The following PRIM2 variants were observed in gnomAD, a reference collection of about 807,000 sequenced individuals.
PRIM2 encodes the protein DNA primase subunit 2.
A neutral mutation model predicts 67.3 loss-of-function variants in PRIM2; 39 were observed. That is an observed-to-expected ratio of 0.58 (90% confidence interval 0.45 to 0.76). The LOEUF (loss-of-function observed/expected upper bound fraction) is 0.76, where lower values mean the gene tolerates loss of function less well. Ranked by LOEUF, PRIM2 falls within the 30% of genes least tolerant of loss-of-function variation. PRIM2 has a pLI of 0.00. For synonymous variants in PRIM2, 143 were observed against 198.7 expected (o/e 0.72, Z 2.36); for missense variants, 398 against 598.7 (o/e 0.66, Z 3.50).
At chr6:57,456,614 C>A (rs572319877) in intron 7 of PRIM2, among the ~76,000 whole-genome samples, 3 of 152,124 alleles carry the variant, frequency 2.0e-5, no homozygotes, top group African/African-American at 7.2e-5. Flanking sequence ...ACGTAGTTCT[C>A]GTGCCTTGGT....
chr6:57,451,562 T>A (rs1455118511), intron 7 of PRIM2, among the ~76,000 whole-genome samples: 37 of 152,308 alleles, frequency 2.4e-4, no homozygotes, highest in African/African-American at 8.7e-4. Flanking sequence ...TTGTCCCACT[T>A]TTTTCATTTA....
the PRIM2 span, among the ~76,000 whole-genome samples, chr6:57,232,540 C>A: frequency 6.6e-6 from 1 of 151,934 alleles, no homozygotes; most frequent in Non-Finnish European, 1.5e-5. Flanking sequence ...CAGAGTAAGA[C>A]TCTGTCAAAA....
chr6:57,225,194 T>C, the PRIM2 span, among the ~76,000 whole-genome samples: 1 of 152,236 alleles, frequency 6.6e-6, no homozygotes, highest in Non-Finnish European at 1.5e-5. Context: ...TTCCTTTCTG[T>C]GAGGCCCCCC....
intron 7 of PRIM2, among the ~76,000 whole-genome samples, chr6:57,463,577 T>C (rs1168172746): frequency 2.6e-5 from 4 of 152,228 alleles, no homozygotes; most frequent in Non-Finnish European, 4.4e-5. Context: ...TATCCTGATT[T>C]GGTTCTATGA....
chr6:57,409,759 C>T (rs1306993009), intron 7 of PRIM2, among the ~76,000 whole-genome samples: 1 of 146,290 alleles, frequency 6.8e-6, no homozygotes, highest in African/African-American at 2.5e-5. Flanking sequence ...TGTGGTTTGC[C>T]TTTTGTTTTA....
chr6:57,573,128 C>T (rs1190355120), intron 10 of PRIM2, among the ~76,000 whole-genome samples: 1 of 152,178 alleles, frequency 6.6e-6, no homozygotes, highest in Non-Finnish European at 1.5e-5. Flanking sequence ...CTGCCCTATA[C>T]TTTCATTTAT....
rs62418007 is a variant in PRIM2 at position 57,374,418 on chromosome 6, C to T, written c.460-5483C>T. On this transcript the variant is annotated intron_variant, in intron 5 of 13. Transcript: ENST00000615550. ...ACGCCATTCTCCTGCCTCAGCCTCC[C>T]GTGTAGCTGGGACTACAGGCGCGCG... 1.8e-3 allele frequency among the ~76,000 whole-genome samples: 262 copies of T among 146,326 alleles called. 3 individuals carry two copies. Among genetic ancestry groups the T allele is most frequent in the African/African-American group, 6.2e-3 (247 of 39,540 alleles).
At chr6:57,381,346 GT>G (rs79980952) in intron 6 of PRIM2, among the ~76,000 whole-genome samples, 1 of 151,794 alleles carries the variant, frequency 6.6e-6, no homozygotes, top group Admixed American at 6.6e-5. Context: ...TTTTAACCTC[GT>G]TTTTTAAAAA....
At chr6:57,382,963 AT>A (rs1405596470) in intron 7 of PRIM2, 1 of 152,086 alleles carries the variant, frequency 6.6e-6, no homozygotes, top group Non-Finnish European at 1.5e-5. Context: ...TTACCTAAAT[AT>A]GTATAATTTA....
intron 8 of PRIM2, among the ~76,000 whole-genome samples, chr6:57,511,719 TTAAC>T (rs1331016335): frequency 1.3e-5 from 2 of 152,012 alleles, no homozygotes; most frequent in African/African-American, 4.8e-5. Flanking sequence ...AATATTGTCA[TTAAC>T]TAAGAAGGAG....
chr6:57,280,459 C>T, the PRIM2 span, among the ~76,000 whole-genome samples: 1 of 151,912 alleles, frequency 6.6e-6, no homozygotes, highest in African/African-American at 2.4e-5. Flanking sequence ...ACAATGCAGA[C>T]AGTTCCTGTA....
intron 10 of PRIM2, among the ~76,000 whole-genome samples, chr6:57,597,961 C>T (rs1344177234): frequency 6.6e-6 from 1 of 151,830 alleles, no homozygotes; most frequent in African/African-American, 2.4e-5. Context: ...GAAAAATTGC[C>T]AAGTAATCAT....
At chr6:57,355,793 C>T (rs777447875) in intron 5 of PRIM2, among the ~76,000 whole-genome samples, 2 of 152,036 alleles carry the variant, frequency 1.3e-5, no homozygotes, top group African/African-American at 2.4e-5. Flanking sequence ...TGTGTCACCA[C>T]GTGTGGCTAA....
intron 7 of PRIM2, among the ~76,000 whole-genome samples, chr6:57,433,389 CT>C (rs1471147342): frequency 9.3e-5 from 13 of 139,038 alleles, no homozygotes; most frequent in Admixed American, 2.2e-4. Context: ...TCCCTCCCCC[CT>C]CCCCCCATCC....
intron 7 of PRIM2, among the ~76,000 whole-genome samples, chr6:57,466,778 T>G (rs1773206218): frequency 1.3e-5 from 2 of 152,264 alleles, no homozygotes. Context: ...GCCTGTTCAC[T>G]CTGATGATAG....
chr6:57,267,353 G>C, the PRIM2 span, among the ~76,000 whole-genome samples: 1 of 152,130 alleles, frequency 6.6e-6, no homozygotes, highest in Non-Finnish European at 1.5e-5. Context: ...CAGGGAGTGG[G>C]CAAGTAAGAC....
chr6:57,370,069 A>G (rs1769492527), intron 5 of PRIM2, among the ~76,000 whole-genome samples: 1 of 152,220 alleles, frequency 6.6e-6, no homozygotes, highest in Admixed American at 6.5e-5. Flanking sequence ...AAAGAGGTTA[A>G]CTAACCTGTT....
chr6:57,477,203 G>A (rs1259401484), intron 7 of PRIM2, among the ~76,000 whole-genome samples: 2 of 152,040 alleles, frequency 1.3e-5, no homozygotes, highest in Non-Finnish European at 2.9e-5. Context: ...ATGTTGCCCA[G>A]GCTGGTCTTG....
At chr6:57,285,647 C>CA in the PRIM2 span, among the ~76,000 whole-genome samples, 1 of 152,124 alleles carries the variant, frequency 6.6e-6, no homozygotes, top group African/African-American at 2.4e-5. Flanking sequence ...CTATATATGA[C>CA]AAAACCATAG....
Sources: allele counts gnomAD v4.1 joint callset (sites outside exome capture counted in the v4.1 genomes callset), GRCh38; gene constraint gnomAD v4.1.1; transcripts MANE v1.5; gene names NCBI Gene and HGNC (gene_info 2026-07-23, HGNC 2026-07-21).